The following TMTC1 variants were observed in gnomAD, a reference collection of about 807,000 sequenced individuals.
The protein encoded by TMTC1 is transmembrane O-mannosyltransferase targeting cadherins 1.
Under a neutral mutation model 104.8 loss-of-function variants are expected in TMTC1, and 73 were observed. That is an observed-to-expected ratio of 0.70 (90% confidence interval 0.58 to 0.85). The LOEUF (loss-of-function observed/expected upper bound fraction) is 0.85, where lower values mean the gene tolerates loss of function less well. TMTC1 is among the 40% of genes least tolerant of loss of function. The probability of loss-of-function intolerance (pLI) is 0.00; values close to 1 mark genes in which losing one functional copy is unlikely to be tolerated. For missense variants in TMTC1, 1,035 were observed against 1,096.1 expected (o/e 0.94, Z 0.79); for synonymous variants, 434 against 428.7 (o/e 1.01, Z -0.15).
chr12:29,700,549 C>T (rs939071985), intron 5 of TMTC1, among the ~76,000 whole-genome samples: 2 of 152,064 alleles, frequency 1.3e-5, no homozygotes, highest in African/African-American at 4.8e-5. Context: ...CCCCTCACAC[C>T]TCTAGTCAAA....
chr12:29,513,216 G>T (rs1447670984), intron 16 of TMTC1, among the ~76,000 whole-genome samples: 1 of 151,954 alleles, frequency 6.6e-6, no homozygotes, highest in African/African-American at 2.4e-5. Flanking sequence ...TGATGATAAT[G>T]ACCATGCCTT....
At chr12:29,630,723 T>C (rs1177479166) in intron 6 of TMTC1, among the ~76,000 whole-genome samples, 1 of 152,246 alleles carries the variant, frequency 6.6e-6, no homozygotes, top group Non-Finnish European at 1.5e-5. Context: ...TAAATAAAGC[T>C]GTATGAATAT....
intron 5 of TMTC1, among the ~76,000 whole-genome samples, chr12:29,685,081 TTTTTACAGCTAA>T (rs1170572866): frequency 6.6e-6 from 1 of 152,192 alleles, no homozygotes; most frequent in Non-Finnish European, 1.5e-5. Flanking sequence ...CACATTTTTA[TTTTTACAGCTAA>T]ATCGCATTTA....
chr12:29,618,901 T>G (rs1269243064), intron 6 of TMTC1, among the ~76,000 whole-genome samples: 1 of 152,222 alleles, frequency 6.6e-6, no homozygotes, highest in Non-Finnish European at 1.5e-5. Context: ...TGTCACAGTT[T>G]AAAAACAATC....
intron 5 of TMTC1, among the ~76,000 whole-genome samples, chr12:29,695,528 A>G (rs1941390134): frequency 6.6e-6 from 1 of 151,628 alleles, no homozygotes; most frequent in African/African-American, 2.4e-5. Flanking sequence ...GATGGTCTCA[A>G]TCTCCTGACC....
At position 29,584,861 on chromosome 12, in the gene TMTC1, C is replaced by G. The variant is rs539085795; in HGVS notation, c.1251-1287G>C. 4.0e-3 allele frequency among the ~76,000 whole-genome samples: 604 copies of G among 150,672 alleles called. 5 individuals are homozygous for G. The highest frequency in any genetic ancestry group is 0.013 in the African/African-American group (546 of 40,766). On this transcript the variant is annotated intron_variant, in intron 7 of 17. Coordinates refer to ENST00000539277, the MANE Select transcript of TMTC1 (RefSeq NM_001193451.2). Reference sequence around the variant, plus strand: ...TCATTGTTGGACATTTGGGTTGGTTCCAAGTCTTTGCTATTGTGAATAGTG... The same window carrying G: ...TCATTGTTGGACATTTGGGTTGGTTGCAAGTCTTTGCTATTGTGAATAGTG...
chr12:29,767,792 A>G (rs1441537292), intron 2 of TMTC1, 106 bp downstream of exon 2: 6 of 1,061,690 alleles, frequency 5.7e-6, no homozygotes, highest in Non-Finnish European at 8.1e-6. Context: ...ACATATCTAC[A>G]TATACACACA....
At chr12:29,652,367 T>G (rs183291840) in intron 5 of TMTC1, among the ~76,000 whole-genome samples, 1 of 152,208 alleles carries the variant, frequency 6.6e-6, no homozygotes, top group African/African-American at 2.4e-5. Flanking sequence ...TGCATGCATT[T>G]CAAGCCTATC....
chr12:29,733,315 C>G (rs1168467446), intron 5 of TMTC1, among the ~76,000 whole-genome samples: 1 of 152,160 alleles, frequency 6.6e-6, no homozygotes, highest in African/African-American at 2.4e-5. Flanking sequence ...GCCTCCTTCA[C>G]GTCCTCCTTT....
At chr12:29,765,748 C>T (rs1453468984) in intron 2 of TMTC1, among the ~76,000 whole-genome samples, 1 of 152,134 alleles carries the variant, frequency 6.6e-6, no homozygotes, top group African/African-American at 2.4e-5. Context: ...GTGGCTGAAT[C>T]TTACCTTTTG....
At chr12:29,743,979 T>A (rs1186823967) in intron 5 of TMTC1, among the ~76,000 whole-genome samples, 1 of 152,140 alleles carries the variant, frequency 6.6e-6, no homozygotes, top group African/African-American at 2.4e-5. Context: ...AGGGGTTGAG[T>A]ATTCCATATG....
chr12:29,564,224 A>C (rs1283483334), intron 9 of TMTC1, among the ~76,000 whole-genome samples: 1 of 152,162 alleles, frequency 6.6e-6, no homozygotes, highest in Non-Finnish European at 1.5e-5. Flanking sequence ...AATTTGTGAA[A>C]ATGTCCAGCT....
At chr12:29,511,814 T>C (rs918802721) in intron 17 of TMTC1, among the ~76,000 whole-genome samples, 4 of 152,196 alleles carry the variant, frequency 2.6e-5, no homozygotes, top group African/African-American at 7.2e-5. Flanking sequence ...AATCATAAAA[T>C]CTAATTTATA....
chr12:29,674,332 G>A (rs1200674247), intron 5 of TMTC1, among the ~76,000 whole-genome samples: 1 of 152,062 alleles, frequency 6.6e-6, no homozygotes, highest in Non-Finnish European at 1.5e-5. Flanking sequence ...AGCACATAAA[G>A]GTGCTCAAAG....
At chr12:29,709,501 A>G (rs1016092871) in intron 5 of TMTC1, among the ~76,000 whole-genome samples, 2 of 152,236 alleles carry the variant, frequency 1.3e-5, no homozygotes, top group Non-Finnish European at 2.9e-5. Context: ...CACAAATAAG[A>G]AAGAACAATA....
intron 2 of TMTC1, among the ~76,000 whole-genome samples, chr12:29,766,121 G>T (rs302315): frequency 6.6e-6 from 1 of 151,966 alleles, no homozygotes; most frequent in African/African-American, 2.4e-5. Context: ...CCACTTAAAG[G>T]CACCTTGCTC....
chr12:29,533,399 C>A (rs1447060521), intron 11 of TMTC1: 1 of 152,136 alleles, frequency 6.6e-6, no homozygotes, highest in African/African-American at 2.4e-5. Context: ...ATAATAAGAG[C>A]AAGGTATACC....
intron 7 of TMTC1, among the ~76,000 whole-genome samples, chr12:29,603,340 T>C (rs1475534664): frequency 1.3e-5 from 2 of 152,012 alleles, no homozygotes; most frequent in African/African-American, 4.8e-5. Flanking sequence ...AACATTTTGG[T>C]TTATGATACT....
At chr12:29,599,455 G>A (rs1263078977) in intron 7 of TMTC1, among the ~76,000 whole-genome samples, 1 of 152,210 alleles carries the variant, frequency 6.6e-6, no homozygotes, top group African/African-American at 2.4e-5. Context: ...AAGTGCAAAT[G>A]AGAGGAAGGT....
Sources: allele counts gnomAD v4.1 joint callset (sites outside exome capture counted in the v4.1 genomes callset), GRCh38; gene constraint gnomAD v4.1.1; transcripts MANE v1.5; gene names NCBI Gene and HGNC (gene_info 2026-07-23, HGNC 2026-07-21).